Variants in CADM2 observed in about 807,000 individuals in gnomAD.
CADM2 encodes immunoglobulin superfamily member 4D.
Under a neutral mutation model 49.8 loss-of-function variants are expected in CADM2, and 12 were observed. The observed-to-expected ratio is 0.24, with a 90% CI of 0.15 to 0.39. The LOEUF is 0.39. Among genes scored for constraint, CADM2 ranks in the 10% least tolerant of loss-of-function variants. CADM2 has a pLI of 1.00. For synonymous variants in CADM2, 214 were observed against 175.4 expected (o/e 1.22, Z -1.74); for missense variants, 378 against 492.3 (o/e 0.77, Z 2.20).
At position 86,071,201 on chromosome 3, in the gene CADM2, T is replaced by A. The variant is rs142490448; in HGVS notation, c.*4418T>A. The A allele has an allele frequency of 6.6e-6, 1 of 151,972 alleles. No individual in the cohort carries two copies. Among genetic ancestry groups the A allele is most frequent in the South Asian group, 2.1e-4 (1 of 4,832 alleles). 9.4% of individuals were successfully genotyped at this position (151,972 alleles called of 1,614,324 possible). A position where few individuals can be genotyped will look rare whatever the true frequency, so the allele number is the denominator to read the frequency against. On this transcript the variant is annotated 3_prime_UTR_variant, in exon 10 of 10. Transcript: ENST00000383699. ...ATTCTTCAATTTTGTTTGAAATGTG[T>A]GCATGTTTTCATAGATTGTAGCAAG...
At chr3:85,339,553 T>C (rs1387823257) in intron 1 of CADM2, among the ~76,000 whole-genome samples, 1 of 151,450 alleles carries the variant, frequency 6.6e-6, no homozygotes, top group African/African-American at 2.4e-5. Context: ...TTTTTTTTCT[T>C]TCTATTTTTC....
At chr3:84,991,367 C>A (rs2032875650) in intron 1 of CADM2, among the ~76,000 whole-genome samples, 1 of 151,974 alleles carries the variant, frequency 6.6e-6, no homozygotes, top group Non-Finnish European at 1.5e-5. Flanking sequence ...GAGCTGGGGG[C>A]AAAATTGTGA....
At chr3:85,354,151 A>G (rs1029019842) in intron 1 of CADM2, among the ~76,000 whole-genome samples, 2 of 152,000 alleles carry the variant, frequency 1.3e-5, no homozygotes, top group Non-Finnish European at 2.9e-5. Flanking sequence ...TACCTTTAAA[A>G]TGGATGGCAT....
At chr3:85,007,437 AG>A (rs1365260234) in intron 1 of CADM2, among the ~76,000 whole-genome samples, 1 of 152,188 alleles carries the variant, frequency 6.6e-6, no homozygotes, top group Non-Finnish European at 1.5e-5. Context: ...CAAAAGCAGA[AG>A]GCCACCCATG....
intron 1 of CADM2, among the ~76,000 whole-genome samples, chr3:85,046,049 T>G (rs2035641726): frequency 6.6e-6 from 1 of 152,058 alleles, no homozygotes; most frequent in Non-Finnish European, 1.5e-5. Context: ...GCATTTTGAT[T>G]GTATGTAGCG....
intron 1 of CADM2, among the ~76,000 whole-genome samples, chr3:85,133,478 TTGGTG>T (rs2039302482): frequency 6.6e-6 from 1 of 151,678 alleles, no homozygotes; most frequent in African/African-American, 2.4e-5. Flanking sequence ...ACAGTGTCGA[TTGGTG>T]CATTCACAAA....
chr3:85,816,213 CT>C (rs891167702), intron 3 of CADM2, among the ~76,000 whole-genome samples: 127 of 141,968 alleles, frequency 8.9e-4, no homozygotes, highest in South Asian at 1.6e-3. Context: ...GGAAATGGAG[CT>C]TTTTTTTTTT....
At chr3:85,009,219 T>C (rs1448905567) in intron 1 of CADM2, among the ~76,000 whole-genome samples, 1 of 152,140 alleles carries the variant, frequency 6.6e-6, no homozygotes, top group Non-Finnish European at 1.5e-5. Flanking sequence ...TTTTAATTCC[T>C]CCCTGCAAAT....
chr3:86,035,417 G>A (rs1341165872), intron 8 of CADM2, among the ~76,000 whole-genome samples: 1 of 151,860 alleles, frequency 6.6e-6, no homozygotes, highest in Non-Finnish European at 1.5e-5. Context: ...GTAATTCCTT[G>A]TATATTGGTT....
At chr3:85,837,105 G>A (rs1315959469) in intron 3 of CADM2, among the ~76,000 whole-genome samples, 1 of 151,522 alleles carries the variant, frequency 6.6e-6, no homozygotes, top group African/African-American at 2.4e-5. Flanking sequence ...GATATGATTA[G>A]GAATGTGTAC....
At chr3:85,773,690 T>C (rs1434603906) in intron 2 of CADM2, among the ~76,000 whole-genome samples, 3 of 152,006 alleles carry the variant, frequency 2.0e-5, no homozygotes, top group Non-Finnish European at 2.9e-5. Flanking sequence ...AGAGAAAGAC[T>C]AGAGATTGAT....
intron 1 of CADM2, among the ~76,000 whole-genome samples, chr3:85,687,895 T>C (rs950097168): frequency 7.9e-5 from 12 of 152,204 alleles, no homozygotes; most frequent in African/African-American, 2.9e-4. Flanking sequence ...CATTACTGCC[T>C]GAGCTCCACC....
intron 8 of CADM2, among the ~76,000 whole-genome samples, chr3:86,005,644 G>T (rs1730695299): frequency 6.6e-6 from 1 of 151,856 alleles, no homozygotes; most frequent in South Asian, 2.1e-4. Context: ...TGTGAAATAA[G>T]CATATCATGG....
intron 1 of CADM2, among the ~76,000 whole-genome samples, chr3:85,650,520 A>AAG (rs199655359): frequency 7.3e-5 from 11 of 150,646 alleles, no homozygotes; most frequent in African/African-American, 2.2e-4. Context: ...AAAAAAAAAA[A>AAG]CCTCCAAAGA....
intron 1 of CADM2, among the ~76,000 whole-genome samples, chr3:85,475,178 GA>G (rs1337477213): frequency 2.0e-5 from 3 of 151,850 alleles, no homozygotes; most frequent in African/African-American, 4.8e-5. Context: ...ATTTTTACTT[GA>G]CTTTAATGTT....
At chr3:85,736,968 A>G (rs1301264860) in intron 2 of CADM2, among the ~76,000 whole-genome samples, 1 of 152,214 alleles carries the variant, frequency 6.6e-6, no homozygotes, top group Admixed American at 6.5e-5. Flanking sequence ...ATACAGTTGA[A>G]ACAGCAGTCA....
intron 1 of CADM2, among the ~76,000 whole-genome samples, chr3:85,577,559 C>G (rs2062670335): frequency 6.6e-6 from 1 of 152,110 alleles, no homozygotes; most frequent in Non-Finnish European, 1.5e-5. Context: ...ATCGCCCAGT[C>G]TGTGATATTT....
intron 1 of CADM2, among the ~76,000 whole-genome samples, chr3:85,102,545 A>G (rs774684244): frequency 2.0e-5 from 3 of 152,152 alleles, no homozygotes; most frequent in Non-Finnish European, 4.4e-5. Context: ...CTCTTTCCTG[A>G]TCTCAAAGAA....
At chr3:85,014,167 A>G (rs1001626939) in intron 1 of CADM2, among the ~76,000 whole-genome samples, 1 of 147,298 alleles carries the variant, frequency 6.8e-6, no homozygotes, top group African/African-American at 2.5e-5. Context: ...TATTATATAT[A>G]CGCAGTGTAA....
Sources: allele counts gnomAD v4.1 joint callset (sites outside exome capture counted in the v4.1 genomes callset), GRCh38; gene constraint gnomAD v4.1.1; transcripts MANE v1.5; gene names NCBI Gene and HGNC (gene_info 2026-07-23, HGNC 2026-07-21).